DNAAF11: variants seen among roughly 807,000 people sequenced by gnomAD.
DNAAF11 encodes leucine rich repeat containing 6.
Under a neutral mutation model 60.8 loss-of-function variants are expected in DNAAF11, and 45 were observed. The observed-to-expected ratio is 0.74, with a 90% CI of 0.58 to 0.95. The LOEUF is 0.95. DNAAF11 is among the 40% of genes least tolerant of loss of function. DNAAF11 has a pLI of 0.00. For missense variants in DNAAF11, 546 were observed against 546.2 expected (o/e 1.00, Z 0.00); for synonymous variants, 191 against 183.5 (o/e 1.04, Z -0.33).
At chr8:132,612,619 T>C (rs1818781165) in intron 8 of DNAAF11, among the ~76,000 whole-genome samples, 2 of 152,290 alleles carry the variant, frequency 1.3e-5, no homozygotes, top group South Asian at 2.1e-4. Flanking sequence ...TGTCTATTTA[T>C]TGTCTGTTGC....
chr8:132,639,768 T>A (rs929659076), intron 3 of DNAAF11, among the ~76,000 whole-genome samples: 2 of 151,996 alleles, frequency 1.3e-5, no homozygotes, highest in African/African-American at 2.4e-5. Context: ...CCTCTCTATA[T>A]CCACCCATCC....
At chr8:132,692,118 C>A in the DNAAF11 span, among the ~76,000 whole-genome samples, 1 of 148,616 alleles carries the variant, frequency 6.7e-6, no homozygotes, top group African/African-American at 2.5e-5. Flanking sequence ...GTAGGGAGAC[C>A]AGTTTGGAGG....
At position 132,572,327 on chromosome 8, in the gene DNAAF11, A is replaced by G. The variant is rs1300573094; in HGVS notation, c.1380T>C (p.Pro460=). 1.9e-6 allele frequency: 3 copies of G among 1,613,340 alleles called. No individual in the cohort carries two copies. Among genetic ancestry groups the G allele is most frequent in the Non-Finnish European group, 2.5e-6 (3 of 1,179,768 alleles). The change falls in exon 12 of 12, where the codon CCT becomes CCC. Residue 460 remains proline (P), a synonymous_variant. Transcript: ENST00000620350. ...SEEDPTFEDN[P]EVPPLI ...TGTTTCAAATCAGCGGAGGCACTTC[A>G]GGGTTGTCTTCAAAGGTTGGGTCTT...
At chr8:132,600,969 C>T (rs1817550536) in intron 10 of DNAAF11, among the ~76,000 whole-genome samples, 1 of 152,098 alleles carries the variant, frequency 6.6e-6, no homozygotes, top group South Asian at 2.1e-4. Flanking sequence ...AAGAAACTAC[C>T]ATCAGAGTGA....
At chr8:132,578,435 G>A (rs1308629519) in intron 11 of DNAAF11, 17 of 1,496,342 alleles carry the variant, frequency 1.1e-5, no homozygotes, top group Admixed American at 7.7e-5. Flanking sequence ...TAATGTCAGA[G>A]GCCTCTAGGA....
chr8:132,584,666 C>G (rs1453215074), intron 10 of DNAAF11, among the ~76,000 whole-genome samples: 1 of 152,142 alleles, frequency 6.6e-6, no homozygotes, highest in Non-Finnish European at 1.5e-5. Context: ...TCTCTACCCT[C>G]ACCAGGTCCT....
chr8:132,685,261 A>C, the DNAAF11 span, among the ~76,000 whole-genome samples: 1 of 152,216 alleles, frequency 6.6e-6, no homozygotes, highest in Non-Finnish European at 1.5e-5. Context: ...TTATTTCAGA[A>C]CCATTAAGTT....
At chr8:132,577,813 C>T (rs149141570) in intron 11 of DNAAF11, among the ~76,000 whole-genome samples, 1 of 152,212 alleles carries the variant, frequency 6.6e-6, no homozygotes, top group East Asian at 1.9e-4. Context: ...TGCTGCATGC[C>T]ACCATGCCTG....
intron 3 of DNAAF11, 71 bp from the exon 4 acceptor site, chr8:132,638,178 A>G: frequency 8.9e-7 from 1 of 1,126,252 alleles, no homozygotes. Flanking sequence ...CGTGTGTAAC[A>G]TCACATAACA....
chr8:132,590,873 G>A (rs1816389245), intron 10 of DNAAF11, among the ~76,000 whole-genome samples: 1 of 152,174 alleles, frequency 6.6e-6, no homozygotes, highest in Non-Finnish European at 1.5e-5. Flanking sequence ...GAAAAATGTG[G>A]TCACTGCAAT....
In DNAAF11 at chr8:132,572,248, T is replaced by C. The variant is rs1334903761; in HGVS notation, c.*58A>G. 1.3e-6 allele frequency: 2 copies of C among 1,512,344 alleles called. No individual in the cohort carries two copies. Among genetic ancestry groups the C allele is most frequent in the South Asian group, 1.2e-5 (1 of 80,738 alleles). The allele number at this position is 1,512,344 out of a possible 1,614,324, so 93.7% of individuals were successfully genotyped here. A position where few individuals can be genotyped will look rare whatever the true frequency, so the allele number is the denominator to read the frequency against. On this transcript the variant is annotated 3_prime_UTR_variant, in exon 12 of 12. Coordinates refer to ENST00000620350, the MANE Select transcript of DNAAF11 (RefSeq NM_012472.6). ...CCAGGAATAATATGCATATGGTCTC[T>C]ACACCAACCAAAACTGGACCTGGTG...
chr8:132,689,879 A>T, the DNAAF11 span, among the ~76,000 whole-genome samples: 3 of 151,442 alleles, frequency 2.0e-5, no homozygotes, highest in African/African-American at 7.4e-5. Context: ...CATCCTGTGA[A>T]TATTTTTTTT....
At chr8:132,602,796 G>T (rs781116435) in intron 10 of DNAAF11, among the ~76,000 whole-genome samples, 1 of 150,776 alleles carries the variant, frequency 6.6e-6, no homozygotes, top group Admixed American at 6.6e-5. Flanking sequence ...ATACATATGC[G>T]TGTATGTTTG....
At chr8:132,622,533 C>A in intron 7 of DNAAF11, 78 bp downstream of exon 7, 1 of 1,057,884 alleles carries the variant, frequency 9.5e-7, no homozygotes, top group South Asian at 1.4e-5. Context: ...CAGAGCAAAC[C>A]TGGAATTGAA....
At chr8:132,637,900 T>TA (rs1387362753) in intron 4 of DNAAF11, 35 bp downstream of exon 4, 45 of 1,558,444 alleles carry the variant, frequency 2.9e-5, no homozygotes, top group Non-Finnish European at 3.9e-5. Context: ...CATGCTCATT[T>TA]ATCTGTGATT....
At chr8:132,631,228 G>A (rs1038235352) in intron 5 of DNAAF11, among the ~76,000 whole-genome samples, 8 of 152,150 alleles carry the variant, frequency 5.3e-5, no homozygotes, top group Admixed American at 3.3e-4. Flanking sequence ...TGGGAATAGG[G>A]AAAACAACGT....
the DNAAF11 span, among the ~76,000 whole-genome samples, chr8:132,684,037 C>T: frequency 1.3e-5 from 2 of 152,198 alleles, no homozygotes; most frequent in Non-Finnish European, 2.9e-5. Context: ...CTTGGCACTC[C>T]ATGGCACCCC....
At chr8:132,576,046 C>G (rs1049820897) in intron 11 of DNAAF11, among the ~76,000 whole-genome samples, 4 of 152,144 alleles carry the variant, frequency 2.6e-5, no homozygotes, top group African/African-American at 9.7e-5. Flanking sequence ...GATACTCAAG[C>G]AGTAGGGAGT....
At chr8:132,672,995 C>A (rs551620565) in intron 1 of DNAAF11, among the ~76,000 whole-genome samples, 2 of 151,974 alleles carry the variant, frequency 1.3e-5, no homozygotes, top group Admixed American at 1.3e-4. Flanking sequence ...GGAAAGGCAG[C>A]GGAAAAAAGG....
Sources: allele counts gnomAD v4.1 joint callset (sites outside exome capture counted in the v4.1 genomes callset), GRCh38; gene constraint gnomAD v4.1.1; transcripts MANE v1.5; gene names NCBI Gene and HGNC (gene_info 2026-07-23, HGNC 2026-07-21).